The following CDH3 variants were observed in gnomAD, a reference collection of about 807,000 sequenced individuals.
CDH3 encodes cadherin 3.
CDH3 carries 54 observed loss-of-function variants against 82.0 expected under a neutral mutation model. The observed-to-expected ratio is 0.66, with a 90% CI of 0.53 to 0.83. The LOEUF (loss-of-function observed/expected upper bound fraction) is 0.83, where lower values mean the gene tolerates loss of function less well. Ranked by LOEUF, CDH3 falls within the 40% of genes least tolerant of loss-of-function variation. The pLI, the probability that CDH3 is intolerant of heterozygous loss-of-function variation, is 0.00. For synonymous variants in CDH3, 446 were observed against 437.9 expected (o/e 1.02, Z -0.23); for missense variants, 1,054 against 1,084.6 (o/e 0.97, Z 0.40).
rs376831201 is a variant in CDH3 at position 68,696,367 on chromosome 16, G to A, written c.2280+444G>A. The stretch of plus-strand genomic sequence containing the variant: ...AAGGAGGCAGAGGTTGCAGTGAGCC[G>A]ACATCACGCCACTGCACTCCAGCCT... On this transcript the variant is annotated intron_variant, in intron 15 of 15. Coordinates refer to ENST00000264012, the MANE Select transcript of CDH3 (RefSeq NM_001793.6). 130 of 311,076 alleles carry A rather than the reference G, an allele frequency of 4.2e-4. 1 individual carries two copies. Among genetic ancestry groups the A allele is most frequent in the Admixed American group, 7.7e-4 (18 of 23,248 alleles). The allele number at this position is 311,076 out of a possible 1,614,324, so 19.3% of individuals were successfully genotyped here.
chr16:68,682,268 T>C, intron 8 of CDH3, 34 bp from the exon 9 acceptor site: 1 of 1,605,806 alleles, frequency 6.2e-7, no homozygotes. Flanking sequence ...AGTCATTCTC[T>C]GCTCTGATAG....
intron 2 of CDH3, chr16:68,651,540 C>A: frequency 2.0e-6 from 1 of 498,182 alleles, no homozygotes; most frequent in East Asian, 5.0e-5. Context: ...GATGTCCACC[C>A]CGCTCTGCAG....
At chr16:68,658,878 G>A (rs1289173398) in intron 2 of CDH3, among the ~76,000 whole-genome samples, 2 of 152,036 alleles carry the variant, frequency 1.3e-5, no homozygotes, top group Admixed American at 6.6e-5. Flanking sequence ...CAAATTGCCT[G>A]GGGAGCTTTT....
intron 13 of CDH3, among the ~76,000 whole-genome samples, chr16:68,692,978 C>G (rs1597818398): frequency 6.6e-6 from 1 of 152,284 alleles, no homozygotes; most frequent in East Asian, 1.9e-4. Flanking sequence ...ATGGCACATG[C>G]CTGTAATCCC....
At chr16:68,701,201 A>T (rs1961888405), downstream of CDH3, among the ~76,000 whole-genome samples, 1 of 152,040 alleles carries the variant, frequency 6.6e-6, no homozygotes, top group Non-Finnish European at 1.5e-5. Flanking sequence ...GCCTCGGTGG[A>T]TGGATGTAGA....
Position 68,660,624 on chromosome 16 carries a change from A to G in CDH3, c.160+14874A>G, listed in dbSNP as rs145446048. Among the ~76,000 whole-genome samples, 1,013 of 152,284 alleles carry G rather than the reference A, an allele frequency of 6.7e-3. 6 individuals are homozygous for G. The highest frequency in any genetic ancestry group is 9.8e-3 in the Non-Finnish European group (669 of 68,016). On this transcript the variant is annotated intron_variant, in intron 2 of 15. Coordinates refer to ENST00000264012, the MANE Select transcript of CDH3 (RefSeq NM_001793.6). Reference sequence around the variant, plus strand: ...CTCAAATATTGCTGCACTAAAGCCTAGGACAGGGTGGTTGCATTTATATAA... The same window carrying G: ...CTCAAATATTGCTGCACTAAAGCCTGGGACAGGGTGGTTGCATTTATATAA...
intron 8 of CDH3, among the ~76,000 whole-genome samples, chr16:68,681,521 C>T (rs140575276): frequency 2.0e-5 from 3 of 152,140 alleles, no homozygotes; most frequent in South Asian, 2.1e-4. Context: ...CAACTCTGAA[C>T]GTTAATTAGG....
rs1961380102 is a variant in CDH3, at chr16:68,685,350, G to A, written c.1570G>A (p.Gly524Arg). The A allele has an allele frequency of 6.2e-7, 1 of 1,613,838 alleles. No homozygotes were observed. Among genetic ancestry groups the A allele is most frequent in the African/African-American group, 1.3e-5 (1 of 74,924 alleles). The change falls in exon 11 of 16, where the codon GGA (glycine) becomes AGA (arginine). Residue 524 changes from glycine to arginine, a missense_variant and splice_region_variant. Gly to Arg is a moderately radical substitution (Grantham distance 125). Coordinates refer to ENST00000264012, the MANE Select transcript of CDH3 (RefSeq NM_001793.6). ...AGTCATGGTCTTGGCCATGGACAAT[G>A]GTGAGAGCATCCTCCCAGCCCTCCC... ...YEVMVLAMDN[G>R]SPPTTGTGTL...
At chr16:68,686,724 C>A in intron 11 of CDH3, 1 of 726,650 alleles carries the variant, frequency 1.4e-6, no homozygotes, top group South Asian at 1.4e-5. Flanking sequence ...CGTGAAGCTG[C>A]CCATTCCACT....
chr16:68,679,253 C>G (rs138579046), intron 6 of CDH3, among the ~76,000 whole-genome samples: 2 of 152,338 alleles, frequency 1.3e-5, no homozygotes, highest in East Asian at 3.9e-4. Flanking sequence ...CTTCTCACAT[C>G]TAAAAATGGG....
intron 2 of CDH3, among the ~76,000 whole-genome samples, chr16:68,652,390 C>T (rs1296377662): frequency 6.6e-6 from 1 of 151,912 alleles, no homozygotes; most frequent in African/African-American, 2.4e-5. Flanking sequence ...GCAGGGTGCT[C>T]TCACCTCCCT....
intron 2 of CDH3, among the ~76,000 whole-genome samples, chr16:68,667,314 GA>G (rs1324538423): frequency 6.6e-6 from 1 of 152,132 alleles, no homozygotes; most frequent in East Asian, 1.9e-4. Context: ...AGCTAGAATA[GA>G]AATTTCCTAG....
intron 2 of CDH3, among the ~76,000 whole-genome samples, chr16:68,668,548 C>T (rs1960801001): frequency 6.6e-6 from 1 of 152,214 alleles, no homozygotes; most frequent in Non-Finnish European, 1.5e-5. Context: ...CATGTTCCTA[C>T]ATGTGCCTAG....
chr16:68,691,744 A>T lies in CDH3; in HGVS notation c.1820A>T (p.Lys607Met). 6.2e-7 allele frequency: 1 copy of T among 1,614,142 alleles called. No individual in the cohort carries two copies. Among genetic ancestry groups the T allele is most frequent in the Non-Finnish European group, 8.5e-7 (1 of 1,179,998 alleles). Reference protein sequence around the residue: ...EEGDTVVLSLKKFLKQDTYDV... With the variant: ...EEGDTVVLSLMKFLKQDTYDV... The stretch of plus-strand genomic sequence containing the variant: ...GGTGACACAGTGGTCTTGTCCCTGA[A>T]GAAGTTCCTGAAGCAGGATACATAT... The change falls in exon 13 of 16, where the codon AAG becomes ATG. Residue 607 changes from lysine (K) to methionine (M), a missense_variant. By Grantham distance (95) the Lys-to-Met change is moderately conservative (BLOSUM62 -1). Coordinates refer to ENST00000264012, the MANE Select transcript of CDH3 (RefSeq NM_001793.6).
At chr16:68,689,150 C>T (rs1488526886) in intron 12 of CDH3, among the ~76,000 whole-genome samples, 1 of 152,174 alleles carries the variant, frequency 6.6e-6, no homozygotes. Context: ...ACTCCCTAAG[C>T]CTCAATTTCT....
At chr16:68,714,079 A>T (rs545047996) in intron 1 of CDH3, among the ~76,000 whole-genome samples, 1 of 152,152 alleles carries the variant, frequency 6.6e-6, no homozygotes, top group African/African-American at 2.4e-5. Flanking sequence ...GATTACAGGT[A>T]CACGCTACCA....
At chr16:68,709,735 G>A (rs1298288623) in intron 1 of CDH3, among the ~76,000 whole-genome samples, 1 of 152,148 alleles carries the variant, frequency 6.6e-6, no homozygotes, top group African/African-American at 2.4e-5. Flanking sequence ...GTGAGCCACC[G>A]CGCCTGGCCT....
rs1961114466 is a variant in CDH3, at chr16:68,678,804, G to A, written c.589G>A (p.Asp197Asn). 6.2e-7 allele frequency: 1 copy of A among 1,614,144 alleles called. No homozygotes were observed. The highest frequency in any genetic ancestry group is 8.5e-7 in the Non-Finnish European group (1 of 1,180,010). ...AVSENGASVE[D>N]PMNISIIVTD... ...GTCAGAGAATGGTGCCTCAGTGGAGGACCCCATGAACATCTCCATCATCGT... is the reference window on the plus strand; with the variant it reads ...GTCAGAGAATGGTGCCTCAGTGGAGAACCCCATGAACATCTCCATCATCGT... Residue 197 changes from aspartate (D) to asparagine (N), a missense_variant, in exon 6 of 16, where the codon GAC (aspartate) becomes AAC (asparagine). Coordinates refer to ENST00000264012, the MANE Select transcript of CDH3 (RefSeq NM_001793.6).
At position 68,680,979 on chromosome 16, in the gene CDH3, G is replaced by T; in HGVS notation, c.879G>T (p.Glu293Asp). ...SSGLDREKVP[E>D]YTLTIQATDM... ...TCCTTTCTCCCCAGAAAGTCCCTGA[G>T]TACACACTGACCATCCAGGCCACAG... Residue 293 changes from glutamate to aspartate, a missense_variant, in exon 8 of 16, where the codon GAG (glutamate) becomes GAT (aspartate). Coordinates refer to ENST00000264012, the MANE Select transcript of CDH3 (RefSeq NM_001793.6). The T allele has an allele frequency of 6.2e-7, 1 of 1,614,110 alleles. No individual in the cohort carries two copies. Among genetic ancestry groups the T allele is most frequent in the Non-Finnish European group, 8.5e-7 (1 of 1,180,006 alleles).
Sources: allele counts gnomAD v4.1 joint callset (sites outside exome capture counted in the v4.1 genomes callset), GRCh38; gene constraint gnomAD v4.1.1; transcripts MANE v1.5; gene names NCBI Gene and HGNC (gene_info 2026-07-23, HGNC 2026-07-21).